GRM8: variants seen among roughly 807,000 people sequenced by gnomAD.
GRM8 encodes glutamate metabotropic receptor 8.
Under a neutral mutation model 87.2 loss-of-function variants are expected in GRM8, and 47 were observed. The ratio of observed to expected loss-of-function variants is 0.54; its 90% CI spans 0.43 to 0.69. The LOEUF is 0.69. Among genes scored for constraint, GRM8 ranks in the 30% least tolerant of loss-of-function variants. The pLI, the probability that GRM8 is intolerant of heterozygous loss-of-function variation, is 0.00. For missense variants in GRM8, 1,019 were observed against 1,139.2 expected (o/e 0.89, Z 1.52); for synonymous variants, 396 against 404.5 (o/e 0.98, Z 0.25).
chr7:127,236,576 A>C (rs1282101004), intron 2 of GRM8, among the ~76,000 whole-genome samples: 1 of 152,146 alleles, frequency 6.6e-6, no homozygotes, highest in Non-Finnish European at 1.5e-5. Context: ...CAGCATGGAG[A>C]AAACCACCCC....
chr7:127,175,797 C>G (rs1315833095), intron 2 of GRM8, among the ~76,000 whole-genome samples: 1 of 152,082 alleles, frequency 6.6e-6, no homozygotes, highest in African/African-American at 2.4e-5. Context: ...ATAATAATAA[C>G]TACCCTGAGG....
chr7:126,527,401 C>T (rs1293455941), intron 9 of GRM8, among the ~76,000 whole-genome samples: 1 of 152,138 alleles, frequency 6.6e-6, no homozygotes, highest in East Asian at 1.9e-4. Context: ...AGTTTACCAA[C>T]AGGTAGCCTA....
chr7:126,810,684 C>T (rs1454273159), intron 6 of GRM8, among the ~76,000 whole-genome samples: 2 of 152,132 alleles, frequency 1.3e-5, no homozygotes, highest in Non-Finnish European at 2.9e-5. Context: ...AGTCCTCCCA[C>T]TCTCCTGCTC....
At chr7:126,531,479 C>A (rs930142202) in intron 9 of GRM8, among the ~76,000 whole-genome samples, 3 of 152,158 alleles carry the variant, frequency 2.0e-5, no homozygotes, top group East Asian at 3.9e-4. Context: ...TTATGCATAA[C>A]CCCCAGGTTT....
intron 8 of GRM8, among the ~76,000 whole-genome samples, chr7:126,597,298 C>T (rs1797302872): frequency 1.3e-5 from 2 of 152,048 alleles, no homozygotes; most frequent in African/African-American, 2.4e-5. Flanking sequence ...TTATAAATCA[C>T]TGGCCTATCT....
At chr7:126,709,270 G>T (rs913613170) in intron 7 of GRM8, among the ~76,000 whole-genome samples, 30 of 152,028 alleles carry the variant, frequency 2.0e-4, no homozygotes, top group Non-Finnish European at 2.2e-4. Flanking sequence ...CTATGAAAAA[G>T]ACAAGAAGCT....
chr7:127,118,749 C>T lies in GRM8; in HGVS notation c.511-12037G>A, dbSNP rs916883078. Among the ~76,000 whole-genome samples, 6 of 152,204 alleles carry T rather than the reference C, an allele frequency of 3.9e-5. No individual in the cohort carries two copies. In the South Asian group the frequency reaches 1.2e-3, roughly 32 times the overall value. On this transcript the variant is annotated intron_variant, in intron 2 of 10. Transcript: ENST00000339582. Reference sequence around the variant, plus strand: ...ATTTCTTAAACTCCTCTACTCTCCGCTACTTTGGGTCCATTTTTAAATCTG... The same window carrying T: ...ATTTCTTAAACTCCTCTACTCTCCGTTACTTTGGGTCCATTTTTAAATCTG...
At position 126,446,268 on chromosome 7, in the gene GRM8, T is replaced by C. The variant is rs774265004; in HGVS notation, c.2535A>G (p.Pro845=). 6.2e-7 allele frequency: 1 copy of C among 1,612,594 alleles called. No homozygotes were observed. Among genetic ancestry groups the C allele is most frequent in the Middle Eastern group, 1.7e-4 (1 of 6,046 alleles). The change falls in exon 10 of 11, where the codon CCA becomes CCG. Residue 845 remains proline (P), a synonymous_variant. Coordinates refer to ENST00000339582, the MANE Select transcript of GRM8 (RefSeq NM_000845.3). ...TCTTGCGTTTTTGAACATTCTGTTC[T>C]GGATGAAAAATTATAATATAAACCT... ...MPKVYIIIFH[P]EQNVQKRKRS...
intron 3 of GRM8, among the ~76,000 whole-genome samples, chr7:127,094,558 C>T (rs1177738950): frequency 6.6e-6 from 1 of 152,156 alleles, no homozygotes; most frequent in Non-Finnish European, 1.5e-5. Flanking sequence ...CCAAATATCA[C>T]CAGCAAACCA....
At chr7:127,017,660 G>A (rs548368810) in intron 3 of GRM8, among the ~76,000 whole-genome samples, 37 of 152,136 alleles carry the variant, frequency 2.4e-4, no homozygotes, top group Admixed American at 5.9e-4. Flanking sequence ...TGGGGTGATG[G>A]AGAGGCATTC....
chr7:126,584,795 G>A (rs1007430265), intron 8 of GRM8, among the ~76,000 whole-genome samples: 3 of 151,962 alleles, frequency 2.0e-5, no homozygotes, highest in African/African-American at 7.3e-5. Flanking sequence ...CCCTGTAGCA[G>A]AGCCCTATTT....
At chr7:127,027,511 C>T (rs995769334) in intron 3 of GRM8, among the ~76,000 whole-genome samples, 4 of 152,092 alleles carry the variant, frequency 2.6e-5, no homozygotes, top group South Asian at 4.2e-4. Context: ...TTTACTTCAT[C>T]GATCAGTGGT....
chr7:127,008,365 G>C (rs1277641705), intron 3 of GRM8, among the ~76,000 whole-genome samples: 1 of 151,922 alleles, frequency 6.6e-6, no homozygotes, highest in Non-Finnish European at 1.5e-5. Context: ...GAAACACTTG[G>C]ATATAAGAAT....
At chr7:126,837,219 A>G (rs1053911225) in intron 6 of GRM8, among the ~76,000 whole-genome samples, 1 of 152,194 alleles carries the variant, frequency 6.6e-6, no homozygotes, top group Non-Finnish European at 1.5e-5. Context: ...ATGAATAACA[A>G]TGATTCCTTG....
At chr7:126,672,877 A>G (rs779662226) in intron 7 of GRM8, among the ~76,000 whole-genome samples, 8 of 152,290 alleles carry the variant, frequency 5.3e-5, no homozygotes, top group Non-Finnish European at 1.0e-4. Flanking sequence ...ACCCTTAGAT[A>G]GGCCTCTGAG....
chr7:126,641,146 TCTGTTAGCA>T (rs1802341246), intron 7 of GRM8, among the ~76,000 whole-genome samples: 3 of 152,294 alleles, frequency 2.0e-5, no homozygotes, highest in Admixed American at 6.5e-5. Flanking sequence ...CTTCAAGAGC[TCTGTTAGCA>T]ATGGGAATAC....
intron 8 of GRM8, among the ~76,000 whole-genome samples, chr7:126,587,382 G>A (rs1295847118): frequency 1.3e-5 from 2 of 152,180 alleles, no homozygotes; most frequent in Admixed American, 1.3e-4. Context: ...GCACACGTAT[G>A]TTTATTGCGG....
intron 7 of GRM8, among the ~76,000 whole-genome samples, chr7:126,764,202 T>G (rs1421818149): frequency 1.3e-5 from 2 of 152,004 alleles, no homozygotes; most frequent in African/African-American, 4.8e-5. Flanking sequence ...TGGTTAAAAC[T>G]GATAGAATAT....
intron 3 of GRM8, among the ~76,000 whole-genome samples, chr7:127,073,843 C>A (rs1412675554): frequency 2.0e-5 from 3 of 152,178 alleles, no homozygotes; most frequent in Non-Finnish European, 4.4e-5. Context: ...GCTCCTCCAA[C>A]TAGACAGAAA....
Sources: gnomAD v4.1 joint callset for allele counts (sites outside exome capture counted in the v4.1 genomes callset) on GRCh38, gnomAD v4.1.1 for gene constraint, MANE v1.5 for transcripts, NCBI Gene and HGNC (gene_info 2026-07-23, HGNC 2026-07-21) for gene names.